The following TAF1C variants were observed in gnomAD, a reference collection of about 807,000 sequenced individuals.
The protein encoded by TAF1C is TATA box-binding protein-associated factor RNA polymerase I subunit C.
A neutral mutation model predicts 70.5 loss-of-function variants in TAF1C; 79 were observed. That is an observed-to-expected ratio of 1.12 (90% CI 0.93 to 1.35). TAF1C has a LOEUF of 1.35. Among genes scored for constraint, TAF1C ranks in the 40% most tolerant of loss-of-function variants. TAF1C has a pLI of 0.00. For synonymous variants in TAF1C, 614 were observed against 491.1 expected (o/e 1.25, Z -3.31); for missense variants, 1,412 against 1,127.8 (o/e 1.25, Z -3.61).
rs764811993 is a variant in TAF1C, at chr16:84,179,192, G to A, written c.2281C>T (p.Pro761Ser). ...GAGGGCGGGGTCGTGGGGGGCAGGG[G>A]CAGAGCATCAGCAGGTGGCCACTCA... ...SPEWPPADAL[P>S]LPPTTPPSQE... The change falls in exon 15 of 15, where the codon CCC becomes TCC. Residue 761 changes from proline (P) to serine (S), a missense_variant. Physicochemically the swap from Pro to Ser is moderately conservative, Grantham distance 74 (BLOSUM62 -1). Transcript: ENST00000566732. The A allele has an allele frequency of 2.5e-6, 4 of 1,589,858 alleles. No individual in the cohort carries two copies. The highest frequency in any genetic ancestry group is 1.3e-5 in the African/African-American group (1 of 74,832).
chr16:84,182,047 C>A lies in TAF1C; in HGVS notation c.733G>T (p.Val245Phe). Residue 245 changes from valine to phenylalanine, a missense_variant, in exon 8 of 15, where the codon GTC becomes TTC. Coordinates refer to ENST00000566732, the MANE Select transcript of TAF1C (RefSeq NM_001243156.2). The surrounding 1 kb of genome is among the most constrained non-coding windows in gnomAD (Gnocchi z 5.0). Reference protein sequence around the residue: ...GAQDRLHFQEVVLTPGDNPQF... With the variant: ...GAQDRLHFQEFVLTPGDNPQF... ...GGATTGTCACCTGGGGTCAGAACGACCTCTTGGAAATCTGGGCCTCTCACT... is the reference window on the plus strand; with the variant it reads ...GGATTGTCACCTGGGGTCAGAACGAACTCTTGGAAATCTGGGCCTCTCACT... 1.2e-6 allele frequency: 2 copies of A among 1,613,180 alleles called. No individual in the cohort carries two copies. Among genetic ancestry groups the A allele is most frequent in the Non-Finnish European group, 1.7e-6 (2 of 1,179,906 alleles).
At position 84,181,474 on chromosome 16, in the gene TAF1C, C is replaced by T. The variant is rs773955844; in HGVS notation, c.1029-11G>A. The T allele has an allele frequency of 6.2e-7, 1 of 1,613,626 alleles. No individual in the cohort carries two copies. Among genetic ancestry groups the T allele is most frequent in the Non-Finnish European group, 8.5e-7 (1 of 1,179,920 alleles). On this transcript the variant is annotated splice_polypyrimidine_tract_variant and intron_variant, in intron 10 of 14. Coordinates refer to ENST00000566732, the MANE Select transcript of TAF1C (RefSeq NM_001243156.2). ...TAGATTTGCCGCAGCCTTGGGGAGA[C>T]AGGCAAGCCGTGGGCAGGGGGACAG... is the stretch of plus-strand genomic sequence containing the variant.
At position 84,185,126 on chromosome 16, in the gene TAF1C, A is replaced by T; in HGVS notation, c.-72-66T>A. 4 of 1,096,334 alleles carry T rather than the reference A, an allele frequency of 3.6e-6. No individual in the cohort carries two copies. In the South Asian group the frequency reaches 7.0e-5, roughly 19 times the overall value. 67.9% of individuals were successfully genotyped at this position (1,096,334 alleles called of 1,614,324 possible). On this transcript the variant is annotated intron_variant, in intron 1 of 14. Coordinates refer to ENST00000566732, the MANE Select transcript of TAF1C (RefSeq NM_001243156.2). ...TGAGGAAGCAGATAACAAAAAACAA[A>T]TATGTAGCCCAAGGCCAAGCAGTAG...
chr16:84,181,126 C>T lies in TAF1C; in HGVS notation c.1225G>A (p.Gly409Arg). The change falls in exon 12 of 15, where the codon GGG (glycine) becomes AGG (arginine). Residue 409 changes from glycine to arginine, a missense_variant. By Grantham distance (125) the Gly-to-Arg change is moderately radical. Coordinates refer to ENST00000566732, the MANE Select transcript of TAF1C (RefSeq NM_001243156.2). The stretch of plus-strand genomic sequence containing the variant: ...TACTGGGTAAGCAGGACACGTTCCC[C>T]TTTCTGGCACGAAGCCTCTGCCCCC... ...RLGAEASCQK[G>R]ERVLLTQYLG... 1 of 1,613,104 alleles carries T rather than the reference C, an allele frequency of 6.2e-7. No homozygotes were observed. Among genetic ancestry groups the T allele is most frequent in the Non-Finnish European group, 8.5e-7 (1 of 1,179,226 alleles).
Position 84,179,393 on chromosome 16 carries a change from G to A in TAF1C, c.2080C>T (p.Arg694Cys), listed in dbSNP as rs904787567. The A allele has an allele frequency of 6.9e-6, 11 of 1,597,924 alleles. No individual in the cohort carries two copies. The African/African-American group carries it at 1.1e-4, about 16-fold the overall frequency. ...ESGLEDKLSE[R>C]LGEAWAGRGA... Reference sequence around the variant, plus strand: ...CGGCCTGCCCAGGCTTCCCCCAGGCGCTCACTGAGCTTGTCCTCTAGGCCT... The same window carrying A: ...CGGCCTGCCCAGGCTTCCCCCAGGCACTCACTGAGCTTGTCCTCTAGGCCT... The change falls in exon 15 of 15, where the codon CGC (arginine) becomes TGC (cysteine). Residue 694 changes from arginine (R) to cysteine (C), a missense_variant. Coordinates refer to ENST00000566732, the MANE Select transcript of TAF1C (RefSeq NM_001243156.2).
At position 84,182,015 on chromosome 16, in the gene TAF1C, G is replaced by A; in HGVS notation, c.765C>T (p.Phe255=). The change falls in exon 8 of 15, where the codon TTC becomes TTT. Residue 255 remains phenylalanine (F), a synonymous_variant. Coordinates refer to ENST00000566732, the MANE Select transcript of TAF1C (RefSeq NM_001243156.2). This position sits in a 1 kb window ranked among gnomAD's most constrained non-coding sequence, Gnocchi z 5.0. ...VVLTPGDNPQ[F]LGKPGRIQLQ... is the part of the protein sequence containing the mutation. ...GCTGGATGCGTCCAGGTTTCCCAAG[G>A]AATTGGGGATTGTCACCTGGGGTCA... 1.2e-6 allele frequency: 2 copies of A among 1,613,564 alleles called. No homozygotes were observed. Among genetic ancestry groups the A allele is most frequent in the Non-Finnish European group, 1.7e-6 (2 of 1,180,014 alleles).
Position 84,180,087 on chromosome 16 carries a change from A to G in TAF1C, c.1484-4T>C, listed in dbSNP as rs1357293226. The G allele has an allele frequency of 1.3e-6, 2 of 1,590,148 alleles. No individual in the cohort carries two copies. The highest frequency in any genetic ancestry group is 1.7e-6 in the Non-Finnish European group (2 of 1,170,146). ...CGGGGCACCGACGCCCCTTCTCCTG[A>G]GGAAGGACAGACAGCTGAGGCCCTG... On this transcript the variant is annotated splice_region_variant and splice_polypyrimidine_tract_variant and intron_variant, in intron 13 of 14. Coordinates refer to ENST00000566732, the MANE Select transcript of TAF1C (RefSeq NM_001243156.2).
chr16:84,180,314 G>A lies in TAF1C; in HGVS notation c.1339C>T (p.Pro447Ser). 1.3e-6 allele frequency: 2 copies of A among 1,546,670 alleles called. No homozygotes were observed. The highest frequency in any genetic ancestry group is 1.7e-6 in the Non-Finnish European group (2 of 1,147,342). ...FSLYLVDERLPLVPMLKWNHG... is the reference protein window; with the variant it reads ...FSLYLVDERLSLVPMLKWNHG... Reference sequence around the variant, plus strand: ...TTCCACTTCAGCATCGGCACCAGGGGAAGGCGCTCGTCCACTAGGTAGAGA... The same window carrying A: ...TTCCACTTCAGCATCGGCACCAGGGAAAGGCGCTCGTCCACTAGGTAGAGA... Residue 447 changes from proline to serine, a missense_variant, in exon 13 of 15, where the codon CCC becomes TCC. Coordinates refer to ENST00000566732, the MANE Select transcript of TAF1C (RefSeq NM_001243156.2).
chr16:84,183,314 T>TC lies in TAF1C; in HGVS notation c.337dup (p.Asp113GlyfsTer28). On this transcript the variant is annotated frameshift_variant, in exon 5 of 15. Transcript: ENST00000566732. LOFTEE classifies it high-confidence loss of function. ...GGGCGCAAAGGCTACGTCTCCATGA[T>TC]CCAAGAGGAACCGGCTGATCTGGGG... 1 of 1,613,938 alleles carries TC rather than the reference T, an allele frequency of 6.2e-7. No individual in the cohort carries two copies. Among genetic ancestry groups the TC allele is most frequent in the Non-Finnish European group, 8.5e-7 (1 of 1,180,020 alleles).
In TAF1C at chr16:84,180,295, T is replaced by C. The variant is rs918025098; in HGVS notation, c.1358A>G (p.Lys453Arg). 19 of 1,548,912 alleles carry C rather than the reference T, an allele frequency of 1.2e-5. No homozygotes were observed. The highest frequency in any genetic ancestry group is 1.6e-5 in the Non-Finnish European group (18 of 1,148,060). The change falls in exon 13 of 15, where the codon AAG becomes AGG. Residue 453 changes from lysine (K) to arginine (R), a missense_variant. Physicochemically the swap from Lys to Arg is conservative, Grantham distance 26. Coordinates refer to ENST00000566732, the MANE Select transcript of TAF1C (RefSeq NM_001243156.2). ...CGGGGAGGGGAGGCCATGGTTCCACTTCAGCATCGGCACCAGGGGAAGGCG... is the reference window on the plus strand; with the variant it reads ...CGGGGAGGGGAGGCCATGGTTCCACCTCAGCATCGGCACCAGGGGAAGGCG... The part of the protein sequence containing the change: ...DERLPLVPML[K>R]WNHGLPSPLL...
At position 84,182,682 on chromosome 16, in the gene TAF1C, C is replaced by T. The variant is rs572375497; in HGVS notation, c.483-242G>A. On this transcript the variant is annotated intron_variant, in intron 6 of 14. Coordinates refer to ENST00000566732, the MANE Select transcript of TAF1C (RefSeq NM_001243156.2). The surrounding 1 kb of genome is among the most constrained non-coding windows in gnomAD (Gnocchi z 5.0). ...TCACAGATGGGTGTGAGACCCAAGC[C>T]AAGCCAACCAAAGTCCTTTCTGGGA... 1.1e-3 allele frequency among the ~76,000 whole-genome samples: 168 copies of T among 152,338 alleles called. 3 individuals are homozygous for T. In the South Asian group the frequency reaches 0.019, roughly 17 times the overall value.
Position 84,181,068 on chromosome 16 carries a change from G to A in TAF1C, c.1283C>T (p.Pro428Leu), listed in dbSNP as rs758248713. 1.4e-5 allele frequency: 22 copies of A among 1,611,594 alleles called. No individual in the cohort carries two copies. The highest frequency in any genetic ancestry group is 1.5e-5 in the Non-Finnish European group (18 of 1,178,170). The part of the protein sequence containing the change: ...LGHSSPKCLP[P>L]TLHLVCTQFS... ...CTGGGTACAGACGAGATGAAGAGTA[G>A]GGGGGAGGCATTTGGGGCTGGAGTG... Residue 428 changes from proline to leucine, a missense_variant, in exon 12 of 15, where the codon CCT becomes CTT. Coordinates refer to ENST00000566732, the MANE Select transcript of TAF1C (RefSeq NM_001243156.2).
chr16:84,178,543 A>G lies in TAF1C; in HGVS notation c.*398T>C. 1 of 447,202 alleles carries G rather than the reference A, an allele frequency of 2.2e-6. No individual in the cohort carries two copies. 27.7% of individuals were successfully genotyped at this position (447,202 alleles called of 1,614,324 possible). ...AGCAGCTCTGCAGGGGCCTCACTCC[A>G]CCCTCACCAAACACGAGGAGCCAGC... On this transcript the variant is annotated 3_prime_UTR_variant, in exon 15 of 15. Coordinates refer to ENST00000566732, the MANE Select transcript of TAF1C (RefSeq NM_001243156.2).
intron 1 of TAF1C, chr16:84,185,495 C>A (rs1269846397): frequency 2.6e-5 from 4 of 152,678 alleles, no homozygotes; most frequent in Admixed American, 2.6e-4. Context: ...CAGACTACAC[C>A]CCCAAGACGC....
chr16:84,179,296 C>G lies in TAF1C; in HGVS notation c.2177G>C (p.Arg726Pro), dbSNP rs370866661. ...AAAGCTGCTGGACAGCTGGGTCCGGCGCTTGGGCCGCCTGGTCTGTCTCCC... is the reference window on the plus strand; with the variant it reads ...AAAGCTGCTGGACAGCTGGGTCCGGGGCTTGGGCCGCCTGGTCTGTCTCCC... ...EPGRQTRRPK[R>P]RTQLSSSFSL... The change falls in exon 15 of 15, where the codon CGC (arginine) becomes CCC (proline). Residue 726 changes from arginine to proline, a missense_variant. Coordinates refer to ENST00000566732, the MANE Select transcript of TAF1C (RefSeq NM_001243156.2). The G allele has an allele frequency of 1.3e-6, 2 of 1,594,338 alleles. No homozygotes were observed. Among genetic ancestry groups the G allele is most frequent in the Admixed American group, 1.7e-5 (1 of 58,600 alleles).
chr16:84,179,842 G>A lies in TAF1C; in HGVS notation c.1631C>T (p.Ala544Val). The A allele has an allele frequency of 2.5e-6, 4 of 1,606,428 alleles. No homozygotes were observed. Among genetic ancestry groups the A allele is most frequent in the Non-Finnish European group, 2.6e-6 (3 of 1,175,524 alleles). The change falls in exon 15 of 15, where the codon GCC becomes GTC. Residue 544 changes from alanine (A) to valine (V), a missense_variant. By Grantham distance (64) the Ala-to-Val change is moderately conservative. Transcript: ENST00000566732. ...RLKAPTIGLA[A>V]VVPPLPSAPT... is the part of the protein sequence containing the mutation. ...CGCTGAGGGCAAGGGCGGGACGACG[G>A]CAGCCAGACCTGGTGACGGGAATGA...
chr16:84,180,062 C>G lies in TAF1C; in HGVS notation c.1505G>C (p.Arg502Pro). ...AAGAGACTGGGGGGGGCCTGCCAGG[C>G]GGGGCACCGACGCCCCTTCTCCTGA... is the stretch of plus-strand genomic sequence containing the variant. ...HLAGEGASVP[R>P]LAGPPQSLPS... is the part of the protein sequence containing the mutation. The change falls in exon 14 of 15, where the codon CGC becomes CCC. Residue 502 changes from arginine (R) to proline (P), a missense_variant. Coordinates refer to ENST00000566732, the MANE Select transcript of TAF1C (RefSeq NM_001243156.2). 6.2e-7 allele frequency: 1 copy of G among 1,602,086 alleles called. No homozygotes were observed. The highest frequency in any genetic ancestry group is 2.2e-5 in the East Asian group (1 of 44,854).
At position 84,179,633 on chromosome 16, in the gene TAF1C, G is replaced by A. The variant is rs1219209528; in HGVS notation, c.1840C>T (p.Leu614=). The A allele has an allele frequency of 6.2e-7, 1 of 1,612,332 alleles. No homozygotes were observed. The highest frequency in any genetic ancestry group is 1.3e-5 in the African/African-American group (1 of 74,922). The change falls in exon 15 of 15, where the codon CTG becomes TTG. Residue 614 remains leucine, a synonymous_variant. Transcript: ENST00000566732. ...SQDTAGCSQW[L]KALLKVPLAP... ...AGGGGCACTTTTAGCAGGGCCTTCA[G>A]CCACTGGCTGCAGCCGGCAGTGTCC...
In TAF1C at chr16:84,181,085, G is replaced by A. The variant is rs1477726632; in HGVS notation, c.1266C>T (p.Ser422=). The change falls in exon 12 of 15, where the codon AGC becomes AGT. Residue 422 remains serine (S), a synonymous_variant. Transcript: ENST00000566732. ...VLLTQYLGHS[S]PKCLPPTLHL... is the part of the protein sequence containing the mutation. ...GAAGAGTAGGGGGGAGGCATTTGGGGCTGGAGTGCCCCAGGTACTGGGTAA... is the reference window on the plus strand; with the variant it reads ...GAAGAGTAGGGGGGAGGCATTTGGGACTGGAGTGCCCCAGGTACTGGGTAA... 3 of 1,612,490 alleles carry A rather than the reference G, an allele frequency of 1.9e-6. No homozygotes were observed. The highest frequency in any genetic ancestry group is 1.7e-5 in the Admixed American group (1 of 59,958).
Sources: gnomAD v4.1 joint callset for allele counts (sites outside exome capture counted in the v4.1 genomes callset) on GRCh38, gnomAD v4.1.1 for gene constraint, Gnocchi (gnomAD v3.1) non-coding constraint, MANE v1.5 for transcripts, NCBI Gene and HGNC (gene_info 2026-07-23, HGNC 2026-07-21) for gene names.